IKBKB: variants seen among roughly 807,000 people sequenced by gnomAD.
IKBKB encodes the protein inhibitor of nuclear factor kappa-B kinase subunit beta.
IKBKB carries 42 observed loss-of-function variants against 113.6 expected under a neutral mutation model. The observed-to-expected ratio is 0.37, with a 90% confidence interval of 0.29 to 0.48. The LOEUF is 0.48. Ranked by LOEUF, IKBKB falls within the 20% of genes least tolerant of loss-of-function variation. The pLI is 0.99. For synonymous variants in IKBKB, 296 were observed against 361.3 expected (o/e 0.82, Z 2.05); for missense variants, 673 against 939.7 (o/e 0.72, Z 3.71).
rs1475802642 is a variant in IKBKB at position 42,331,191 on chromosome 8, T to A, written c.*212T>A. On this transcript the variant is annotated 3_prime_UTR_variant, in exon 22 of 22. Coordinates refer to ENST00000520810, the MANE Select transcript of IKBKB (RefSeq NM_001556.3). ...TCTCGCTTCCTCAGCAGCTGTGACTTTCACCCAGGACCCAGGACGCAGCCC... is the reference window on the plus strand; with the variant it reads ...TCTCGCTTCCTCAGCAGCTGTGACTATCACCCAGGACCCAGGACGCAGCCC... 7 of 804,336 alleles carry A rather than the reference T, an allele frequency of 8.7e-6. No individual in the cohort carries two copies. Among genetic ancestry groups the A allele is most frequent in the African/African-American group, 3.4e-5 (2 of 59,072 alleles). The allele number at this position is 804,336 out of a possible 1,614,324, so 49.8% of individuals were successfully genotyped here. A position where few individuals can be genotyped will look rare whatever the true frequency, so the allele number is the denominator to read the frequency against.
intron 2 of IKBKB, among the ~76,000 whole-genome samples, chr8:42,274,975 C>G (rs895912415): frequency 6.6e-6 from 1 of 151,936 alleles, no homozygotes; most frequent in Non-Finnish European, 1.5e-5. Context: ...CTCCCAGGTT[C>G]AAGCGATTCT....
chr8:42,298,562 T>C (rs1814414880), intron 5 of IKBKB: 5 of 817,600 alleles, frequency 6.1e-6, no homozygotes, highest in Non-Finnish European at 7.4e-6. Flanking sequence ...GTGTGGATTA[T>C]AGCAAAAGAT....
At chr8:42,275,458 TAC>T (rs945993445) in intron 2 of IKBKB, among the ~76,000 whole-genome samples, 12 of 152,140 alleles carry the variant, frequency 7.9e-5, no homozygotes, top group African/African-American at 2.9e-4. Flanking sequence ...GTGCTGGGAT[TAC>T]AGGTGTCAGC....
At chr8:42,291,138 T>C (rs935020988) in intron 4 of IKBKB, among the ~76,000 whole-genome samples, 1 of 152,134 alleles carries the variant, frequency 6.6e-6, no homozygotes, top group Non-Finnish European at 1.5e-5. Context: ...TCTCTGAGGC[T>C]GAATAAGGCC....
At chr8:42,282,206 A>G (rs1275149003) in intron 2 of IKBKB, among the ~76,000 whole-genome samples, 1 of 152,096 alleles carries the variant, frequency 6.6e-6, no homozygotes, top group Non-Finnish European at 1.5e-5. Context: ...TTTTTGAGAC[A>G]GGGTCTCACT....
intron 4 of IKBKB, among the ~76,000 whole-genome samples, chr8:42,291,404 A>G (rs755859660): frequency 3.6e-4 from 55 of 151,954 alleles, no homozygotes; most frequent in Non-Finnish European, 6.2e-4. Flanking sequence ...CTGGTCTCCA[A>G]CTCCTGACTT....
intron 5 of IKBKB, among the ~76,000 whole-genome samples, chr8:42,302,057 G>C (rs1585675368): frequency 6.6e-6 from 1 of 152,170 alleles, no homozygotes; most frequent in Non-Finnish European, 1.5e-5. Flanking sequence ...GGTCTTTTGT[G>C]AACCTATCAG....
intron 2 of IKBKB, among the ~76,000 whole-genome samples, chr8:42,282,781 A>G (rs1261953809): frequency 6.6e-6 from 1 of 152,218 alleles, no homozygotes; most frequent in African/African-American, 2.4e-5. Flanking sequence ...TTTAGTAACA[A>G]AGTCATTCTG....
intron 5 of IKBKB, among the ~76,000 whole-genome samples, chr8:42,301,234 A>G (rs1449457856): frequency 6.6e-6 from 1 of 152,230 alleles, no homozygotes; most frequent in Non-Finnish European, 1.5e-5. Context: ...GGGAACATGA[A>G]AAATTACCTG....
rs1299624300 is a variant in IKBKB, at chr8:42,283,865, A to G, written c.106-4769A>G. 2.6e-5 allele frequency among the ~76,000 whole-genome samples: 4 copies of G among 152,218 alleles called. No homozygotes were observed. The East Asian group carries it at 5.8e-4, about 22-fold the overall frequency. On this transcript the variant is annotated intron_variant, in intron 2 of 21. Transcript: ENST00000520810. ...CTCAGTCATTCTAAGGTAACGAACC[A>G]TAAGTTACAGTCTCTTTGGCTAAAC...
At chr8:42,315,083 T>G (rs2130623204) in intron 9 of IKBKB, among the ~76,000 whole-genome samples, 1 of 152,230 alleles carries the variant, frequency 6.6e-6, no homozygotes, top group East Asian at 1.9e-4. Context: ...TATTTCTCTT[T>G]CCACCCCTCA....
At chr8:42,309,475 C>T in intron 8 of IKBKB, 1 of 415,844 alleles carries the variant, frequency 2.4e-6, no homozygotes, top group Admixed American at 2.9e-5. Flanking sequence ...AAGAATGTGG[C>T]CGGGTACAGT....
Position 42,293,343 on chromosome 8 carries a change from AG to A in IKBKB, c.319-97del, listed in dbSNP as rs1179117200. The stretch of plus-strand genomic sequence containing the variant: ...GCAGGTCCCCTAAAGACCAGGGCCC[AG>A]GGTCAGCACTCTGGTCACATGGGCT... On this transcript the variant is annotated intron_variant, in intron 4 of 21. Transcript: ENST00000520810. 18 of 1,465,416 alleles carry A rather than the reference AG, an allele frequency of 1.2e-5. No homozygotes were observed. The African/African-American group carries it at 2.1e-4, about 17-fold the overall frequency. The allele number at this position is 1,465,416 out of a possible 1,614,324, so 90.8% of individuals were successfully genotyped here.
At chr8:42,322,177 C>A in intron 18 of IKBKB, 24 bp downstream of exon 18, 1 of 1,582,018 alleles carries the variant, frequency 6.3e-7, no homozygotes, top group Non-Finnish European at 8.7e-7. Context: ...CCTTCCTGCT[C>A]TGGAGGAAGG....
At position 42,298,376 on chromosome 8, in the gene IKBKB, C is replaced by G. The variant is rs185155561; in HGVS notation, c.388+4864C>G. 17 of 985,414 alleles carry G rather than the reference C, an allele frequency of 1.7e-5. No homozygotes were observed. The South Asian group carries it at 3.3e-4, about 19-fold the overall frequency. 61.0% of individuals were successfully genotyped at this position (985,414 alleles called of 1,614,324 possible). A position where few individuals can be genotyped will look rare whatever the true frequency, so the allele number is the denominator to read the frequency against. ...ACCCCTCTGTTGCTGTCCCTGCTTC[C>G]TTCTCGAGCTGCTCCTAGCAGGCAT... On this transcript the variant is annotated intron_variant, in intron 5 of 21. Coordinates refer to ENST00000520810, the MANE Select transcript of IKBKB (RefSeq NM_001556.3).
intron 19 of IKBKB, chr8:42,325,393 A>G: frequency 3.0e-6 from 3 of 985,998 alleles, no homozygotes; most frequent in Non-Finnish European, 3.6e-6. Context: ...TTTCTTGTAA[A>G]AGTTCATTAA....
At chr8:42,318,224 T>A (rs1017581374) in intron 12 of IKBKB, among the ~76,000 whole-genome samples, 6 of 151,050 alleles carry the variant, frequency 4.0e-5, no homozygotes, top group Non-Finnish European at 7.4e-5. Context: ...TCACCCCCAC[T>A]GCATGCCAGC....
At chr8:42,271,830 G>T in intron 1 of IKBKB, 1 of 550,676 alleles carries the variant, frequency 1.8e-6, no homozygotes, top group Non-Finnish European at 3.2e-6. Context: ...CAAGGGCGTG[G>T]GCATCGCCTC....
chr8:42,326,427 C>G, intron 20 of IKBKB: 1 of 257,846 alleles, frequency 3.9e-6, no homozygotes, highest in Non-Finnish European at 7.5e-6. Context: ...TCTGCCCCCA[C>G]TCACCCTACC....
Sources: allele counts gnomAD v4.1 joint callset (sites outside exome capture counted in the v4.1 genomes callset), GRCh38; gene constraint gnomAD v4.1.1; transcripts MANE v1.5; gene names NCBI Gene and HGNC (gene_info 2026-07-23, HGNC 2026-07-21).